The following LRRC41 variants were observed in gnomAD, a reference collection of about 807,000 sequenced individuals.
LRRC41 encodes the protein leucine rich repeat containing 41.
A neutral mutation model predicts 72.1 loss-of-function variants in LRRC41; 17 were observed. The observed-to-expected ratio is 0.24, with a 90% CI of 0.16 to 0.35. The LOEUF is 0.35. Among genes scored for constraint, LRRC41 ranks in the 10% least tolerant of loss-of-function variants. The probability of loss-of-function intolerance (pLI) is 1.00; values close to 1 mark genes in which losing one functional copy is unlikely to be tolerated. For missense variants in LRRC41, 759 were observed against 1,065.0 expected, an observed-to-expected ratio of 0.71 and a Z score of 4.00; for synonymous variants, 427 against 431.0, an observed-to-expected ratio of 0.99 and a Z score of 0.11.
intron 3 of LRRC41, among the ~76,000 whole-genome samples, chr1:46,290,008 G>A (rs1660974165): frequency 2.0e-5 from 3 of 152,162 alleles, no homozygotes; most frequent in Admixed American, 2.0e-4. Flanking sequence ...ACTAGGGAGG[G>A]CTAAACATCT....
intron 5 of LRRC41, among the ~76,000 whole-genome samples, 169 bp from the exon 6 acceptor site, chr1:46,280,729 A>G (rs1035162289): frequency 6.6e-6 from 1 of 152,224 alleles, no homozygotes; most frequent in Non-Finnish European, 1.5e-5. Context: ...ATTGAGCACT[A>G]AATATGAGAT....
In LRRC41 at chr1:46,286,147, A is replaced by G. The variant is rs369827278; in HGVS notation, c.710T>C (p.Val237Ala). The G allele has an allele frequency of 6.2e-7, 1 of 1,614,138 alleles. No individual in the cohort carries two copies. Among genetic ancestry groups the G allele is most frequent in the African/African-American group, 1.3e-5 (1 of 74,952 alleles). ...AAGGATGAAAAGGGCTGACTCAGGC[A>G]CAGGCCAGGAGTATAGCGACACTTG... ...VSQVSLYSWP[V>A]PESALFILIL... The change falls in exon 4 of 10, where the codon GTG (valine) becomes GCG (alanine). Residue 237 changes from valine (V) to alanine (A), a missense_variant. Val to Ala is a moderately conservative substitution (Grantham distance 64, BLOSUM62 0). Coordinates refer to ENST00000617190, the MANE Select transcript of LRRC41 (RefSeq NM_006369.5). This position sits in a 1 kb window ranked among gnomAD's most constrained non-coding sequence, Gnocchi z 5.5.
chr1:46,302,103 G>A lies in LRRC41; in HGVS notation c.199+1021C>T, dbSNP rs1323514977. 1.0e-6 allele frequency: 1 copy of A among 985,146 alleles called. No individual in the cohort carries two copies. Among genetic ancestry groups the A allele is most frequent in the Non-Finnish European group, 1.2e-6 (1 of 829,822 alleles). 61.0% of individuals were successfully genotyped at this position (985,146 alleles called of 1,614,324 possible). On this transcript the variant is annotated intron_variant, in intron 1 of 9. Transcript: ENST00000617190. This position sits in a 1 kb window ranked among gnomAD's most constrained non-coding sequence, Gnocchi z 4.7. ...CCCAACTGGCCGGTTCGCCCTCCCC[G>A]GCCGTTCATCCCGGCGCCCCAGGCC...
At position 46,278,468 on chromosome 1, in the gene LRRC41, A is replaced by G; in HGVS notation, c.*397T>C. 1.3e-6 allele frequency: 1 copy of G among 744,750 alleles called. No homozygotes were observed. The highest frequency in any genetic ancestry group is 2.2e-6 in the Non-Finnish European group (1 of 454,196). The allele number at this position is 744,750 out of a possible 1,614,324, so 46.1% of individuals were successfully genotyped here. On this transcript the variant is annotated 3_prime_UTR_variant, in exon 10 of 10. Transcript: ENST00000617190. ...TTAAAAAAAAGAATAAAGGTATGAA[A>G]GGGTTTGAGGCCTGAGAGCAGTGTG...
At chr1:46,288,213 A>G (rs1358571144) in intron 3 of LRRC41, among the ~76,000 whole-genome samples, 1 of 152,200 alleles carries the variant, frequency 6.6e-6, no homozygotes, top group Admixed American at 6.5e-5. Flanking sequence ...CCAGAAGGGC[A>G]CACCAAGACA....
At chr1:46,292,179 G>A (rs1253248720) in intron 3 of LRRC41, among the ~76,000 whole-genome samples, 1 of 151,676 alleles carries the variant, frequency 6.6e-6, no homozygotes, top group Non-Finnish European at 1.5e-5. Flanking sequence ...CCGAGCTGAT[G>A]GGCGCCTGTA....
rs767792612 is a variant in LRRC41, at chr1:46,281,141, G to A, written c.1740C>T (p.Gly580=). The A allele has an allele frequency of 1.6e-5, 26 of 1,613,762 alleles. 1 individual carries two copies. The highest frequency in any genetic ancestry group is 6.6e-5 in the South Asian group (6 of 91,072). Residue 580 remains glycine, a synonymous_variant, in exon 5 of 10, where the codon GGC becomes GGT. Coordinates refer to ENST00000617190, the MANE Select transcript of LRRC41 (RefSeq NM_006369.5). ...GNAGPPSHII[G]DEEIPENCLE... is the part of the protein sequence containing the mutation. ...GTGCTTCACCTGGTATCTCCTCATC[G>A]CCTATTATGTGGCTAGGGGGCCCTG...
rs1364070876 is a variant in LRRC41, at chr1:46,279,465, T to A, written c.2143+27A>T. The A allele has an allele frequency of 1.2e-6, 2 of 1,613,892 alleles. No individual in the cohort carries two copies. Among genetic ancestry groups the A allele is most frequent in the Admixed American group, 1.7e-5 (1 of 59,976 alleles). ...GGTCAAAGGCCTAGCTCCTTTCCCC[T>A]CTCCCTCCCCAGGGTCTGGCCCCCA... On this transcript the variant is annotated intron_variant, in intron 8 of 9. Coordinates refer to ENST00000617190, the MANE Select transcript of LRRC41 (RefSeq NM_006369.5). The surrounding 1 kb of genome is among the most constrained non-coding windows in gnomAD (Gnocchi z 4.5).
Position 46,278,379 on chromosome 1 carries a change from A to C in LRRC41, c.*486T>G. ...CTGTTGAATTTTGTTCTCTGGGAGA[A>C]AATCATCAAGAAGGGCTGCATGATG... On this transcript the variant is annotated 3_prime_UTR_variant, in exon 10 of 10. Coordinates refer to ENST00000617190, the MANE Select transcript of LRRC41 (RefSeq NM_006369.5). The C allele has an allele frequency of 7.3e-7, 1 of 1,363,390 alleles. No individual in the cohort carries two copies. The highest frequency in any genetic ancestry group is 1.0e-6 in the Non-Finnish European group (1 of 979,218). The allele number at this position is 1,363,390 out of a possible 1,614,324, so 84.5% of individuals were successfully genotyped here.
intron 3 of LRRC41, among the ~76,000 whole-genome samples, chr1:46,292,119 G>A (rs1661031992): frequency 6.6e-6 from 1 of 151,886 alleles, no homozygotes; most frequent in South Asian, 2.1e-4. Flanking sequence ...TTCGAGACCA[G>A]CCTGGCCAAT....
rs371290981 is a variant in LRRC41 at position 46,298,265 on chromosome 1, G to C, written c.286+19C>G. The C allele has an allele frequency of 6.6e-7, 1 of 1,510,256 alleles. No individual in the cohort carries two copies. The highest frequency in any genetic ancestry group is 1.4e-5 in the African/African-American group (1 of 72,318). 93.6% of individuals were successfully genotyped at this position (1,510,256 alleles called of 1,614,324 possible). On this transcript the variant is annotated intron_variant, in intron 2 of 9. Transcript: ENST00000617190. ...TTGCTCATAATCATTGACTGAGAAAGAGACAGAAAGATACTCACCTTTCTT... is the reference window on the plus strand; with the variant it reads ...TTGCTCATAATCATTGACTGAGAAACAGACAGAAAGATACTCACCTTTCTT...
At chr1:46,280,658 T>C (rs1660754316) in intron 5 of LRRC41, 98 bp from the exon 6 acceptor site, 3 of 1,271,048 alleles carry the variant, frequency 2.4e-6, no homozygotes, top group African/African-American at 3.0e-5. Flanking sequence ...TAAAAAATTA[T>C]TTATTCATTC....
In LRRC41 at chr1:46,302,528, C is replaced by T. The variant is rs1204836519; in HGVS notation, c.199+596G>A. The T allele has an allele frequency of 2.0e-6, 2 of 984,544 alleles. No individual in the cohort carries two copies. The highest frequency in any genetic ancestry group is 2.4e-6 in the Non-Finnish European group (2 of 829,720). The allele number at this position is 984,544 out of a possible 1,614,324, so 61.0% of individuals were successfully genotyped here. A position where few individuals can be genotyped will look rare whatever the true frequency, so the allele number is the denominator to read the frequency against. On this transcript the variant is annotated intron_variant, in intron 1 of 9. Transcript: ENST00000617190. This position sits in a 1 kb window ranked among gnomAD's most constrained non-coding sequence, Gnocchi z 4.7. ...CGTCAGACAGGCCGCGGCGCCCCGA[C>T]CCTTTCGTTCGGCCTCTCCCCCTGC...
At chr1:46,295,324 G>A (rs553506705) in intron 3 of LRRC41, among the ~76,000 whole-genome samples, 4 of 152,304 alleles carry the variant, frequency 2.6e-5, no homozygotes, top group Middle Eastern at 3.4e-3. Context: ...GCCTCCCAAA[G>A]TGCTAAGATT....
Position 46,285,600 on chromosome 1 carries a change from A to C in LRRC41, c.1257T>G (p.Ile419Met). ...ESEDLYDFVF[I>M]VAGEKEDGEE... ...CGCCATCCTCCTTCTCGCCAGCCAC[A>C]ATAAAAACGAAGTCATACAGGTCTT... is the stretch of plus-strand genomic sequence containing the variant. Residue 419 changes from isoleucine to methionine, a missense_variant, in exon 4 of 10, where the codon ATT becomes ATG. Around this residue, in one of 4 missense-constraint regions of LRRC41, gnomAD observed 427 missense variants for 520.9 expected, o/e 0.82. Coordinates refer to ENST00000617190, the MANE Select transcript of LRRC41 (RefSeq NM_006369.5). The surrounding 1 kb of genome is among the most constrained non-coding windows in gnomAD (Gnocchi z 5.3). The C allele has an allele frequency of 6.2e-7, 1 of 1,613,824 alleles. No homozygotes were observed. Among genetic ancestry groups the C allele is most frequent in the South Asian group, 1.1e-5 (1 of 91,048 alleles).
rs778408337 is a variant in LRRC41, at chr1:46,303,200, G to A, written c.123C>T (p.Asn41=). ...APAKSSASGP[N]APPALFELCG... ...ACAGCTCGAACAGGGCGGGGGGAGC[G>A]TTGGGGCCCGAGGCCGAGCTCTTCG... The change falls in exon 1 of 10, where the codon AAC becomes AAT. Residue 41 remains asparagine, a synonymous_variant. Coordinates refer to ENST00000617190, the MANE Select transcript of LRRC41 (RefSeq NM_006369.5). The A allele has an allele frequency of 1.9e-6, 3 of 1,571,458 alleles. No homozygotes were observed. The highest frequency in any genetic ancestry group is 1.8e-5 in the Admixed American group (1 of 55,674).
intron 4 of LRRC41, 83 bp from the exon 5 acceptor site, chr1:46,281,468 T>C (rs961141886): frequency 2.2e-6 from 3 of 1,346,222 alleles, no homozygotes; most frequent in Non-Finnish European, 2.1e-6. Flanking sequence ...CAAATACTTT[T>C]GGTTACTAGC....
chr1:46,300,239 G>C lies in LRRC41; in HGVS notation c.200-1869C>G, dbSNP rs1204199818. 2.0e-5 allele frequency: 3 copies of C among 152,110 alleles called. No individual in the cohort carries two copies. In the East Asian group the frequency reaches 5.8e-4, roughly 29 times the overall value. 9.4% of individuals were successfully genotyped at this position (152,110 alleles called of 1,614,324 possible). A position where few individuals can be genotyped will look rare whatever the true frequency, so the allele number is the denominator to read the frequency against. ...CCCAGCTACTCGAGAGGCTGAGATG[G>C]GAGAATTGCTTGAGCCCAGAAGACA... On this transcript the variant is annotated intron_variant, in intron 1 of 9. Coordinates refer to ENST00000617190, the MANE Select transcript of LRRC41 (RefSeq NM_006369.5).
intron 1 of LRRC41, among the ~76,000 whole-genome samples, chr1:46,301,482 C>G (rs950785257): frequency 6.6e-6 from 1 of 151,880 alleles, no homozygotes; most frequent in Non-Finnish European, 1.5e-5. Context: ...CCTGGGGCCT[C>G]CACTGTCCCC....
Sources: allele counts gnomAD v4.1 joint callset (sites outside exome capture counted in the v4.1 genomes callset), GRCh38; gene constraint gnomAD v4.1.1; regional missense constraint gnomAD v4.1.1; non-coding constraint Gnocchi (gnomAD v3.1); transcripts MANE v1.5; gene names NCBI Gene and HGNC (gene_info 2026-07-23, HGNC 2026-07-21).